The following SLC1A1 variants were observed in gnomAD, a reference collection of about 807,000 sequenced individuals.
SLC1A1 encodes the protein solute carrier family 1 member 1.
Under a neutral mutation model 53.3 loss-of-function variants are expected in SLC1A1, and 43 were observed. The ratio of observed to expected loss-of-function variants is 0.81; its 90% confidence interval spans 0.63 to 1.04. The LOEUF (loss-of-function observed/expected upper bound fraction) is 1.04, where lower values mean the gene tolerates loss of function less well. Ranked by LOEUF, SLC1A1 falls within the 50% of genes least tolerant of loss-of-function variation. SLC1A1 has a pLI of 0.00. For synonymous variants in SLC1A1, 307 were observed against 243.2 expected, an observed-to-expected ratio of 1.26 and a Z score of -2.44; for missense variants, 748 against 664.9, an observed-to-expected ratio of 1.12 and a Z score of -1.37.
intron 1 of SLC1A1, among the ~76,000 whole-genome samples, chr9:4,509,606 A>G (rs1820928084): frequency 6.6e-6 from 1 of 152,032 alleles, no homozygotes; most frequent in Non-Finnish European, 1.5e-5. Flanking sequence ...ATTAAGATCT[A>G]CAGCTACTGC....
chr9:4,528,594 A>C (rs561471642), intron 1 of SLC1A1, among the ~76,000 whole-genome samples: 1 of 152,226 alleles, frequency 6.6e-6, no homozygotes, highest in Non-Finnish European at 1.5e-5. Flanking sequence ...AACAAACAAA[A>C]AAATGCAAGT....
At chr9:4,492,716 G>T (rs1341348511) in intron 1 of SLC1A1, among the ~76,000 whole-genome samples, 6 of 151,674 alleles carry the variant, frequency 4.0e-5, no homozygotes, top group Non-Finnish European at 8.8e-5. Flanking sequence ...GATCACCTGA[G>T]CCCAGGGAGG....
intron 1 of SLC1A1, among the ~76,000 whole-genome samples, chr9:4,498,917 C>T (rs1309805176): frequency 1.4e-5 from 2 of 144,334 alleles, no homozygotes; most frequent in Admixed American, 7.1e-5. Context: ...TGTATACATA[C>T]ATATACATAT....
intron 2 of SLC1A1, among the ~76,000 whole-genome samples, chr9:4,559,398 A>G (rs533489770): frequency 6.6e-6 from 1 of 152,248 alleles, no homozygotes; most frequent in East Asian, 1.9e-4. Flanking sequence ...TTAACTTCCA[A>G]AGGAGCAATC....
At chr9:4,570,463 C>G (rs1819924651) in intron 6 of SLC1A1, among the ~76,000 whole-genome samples, 2 of 116,078 alleles carry the variant, frequency 1.7e-5, no homozygotes, top group African/African-American at 3.9e-5. Context: ...CCTCCGCCTC[C>G]TGGGTTCAAG....
intron 1 of SLC1A1, among the ~76,000 whole-genome samples, chr9:4,534,464 G>T (rs559214818): frequency 5.9e-5 from 9 of 152,138 alleles, no homozygotes; most frequent in African/African-American, 1.9e-4. Flanking sequence ...AAATCTAGAA[G>T]AAATGGATAA....
intron 1 of SLC1A1, among the ~76,000 whole-genome samples, chr9:4,540,769 G>A (rs1279792759): frequency 6.6e-6 from 1 of 152,232 alleles, no homozygotes; most frequent in Non-Finnish European, 1.5e-5. Flanking sequence ...CGGTGTCAGG[G>A]AAATTTCCTG....
chr9:4,504,208 A>G (rs1820726263), intron 1 of SLC1A1, among the ~76,000 whole-genome samples: 1 of 152,164 alleles, frequency 6.6e-6, no homozygotes, highest in Non-Finnish European at 1.5e-5. Context: ...TTTTTCCATA[A>G]TTGGGCTACA....
chr9:4,531,562 C>A (rs1406474432), intron 1 of SLC1A1, among the ~76,000 whole-genome samples: 4 of 152,162 alleles, frequency 2.6e-5, no homozygotes, highest in East Asian at 1.9e-4. Flanking sequence ...AGCCGGGAAG[C>A]TCGAACTGGG....
chr9:4,585,415 G>A lies in SLC1A1; in HGVS notation c.1432G>A (p.Glu478Lys), dbSNP rs866443085. The change falls in exon 12 of 12, where the codon GAA becomes AAA. Residue 478 changes from glutamate to lysine, a missense_variant. By Grantham distance (56) the Glu-to-Lys change is moderately conservative. Transcript: ENST00000262352. ...KELEQMDVSS[E>K]VNIVNPFALE... ...GCTGGAGCAGATGGATGTTTCATCT[G>A]AAGTCAACATTGTGAATCCCTTTGC... 6.2e-7 allele frequency: 1 copy of A among 1,614,074 alleles called. No homozygotes were observed. The highest frequency in any genetic ancestry group is 1.3e-5 in the African/African-American group (1 of 74,930).
rs776464749 is a variant in SLC1A1, at chr9:4,586,410, C to T, written c.*852C>T. 5 of 152,064 alleles carry T rather than the reference C, an allele frequency of 3.3e-5. No individual in the cohort carries two copies. Among genetic ancestry groups the T allele is most frequent in the South Asian group, 4.1e-4 (2 of 4,826 alleles). The allele number at this position is 152,064 out of a possible 1,614,324, so 9.4% of individuals were successfully genotyped here. ...AGAATGAGAAATCATGTTGTTCGAT[C>T]GTTTCACATCTGTATATCAGCTCTA... On this transcript the variant is annotated 3_prime_UTR_variant, in exon 12 of 12. Transcript: ENST00000262352.
intron 1 of SLC1A1, among the ~76,000 whole-genome samples, chr9:4,511,098 A>T (rs1008759356): frequency 3.3e-5 from 5 of 152,314 alleles, no homozygotes; most frequent in African/African-American, 4.8e-5. Flanking sequence ...TATTAACCAC[A>T]TGGTTTGAAA....
intron 1 of SLC1A1, among the ~76,000 whole-genome samples, chr9:4,527,919 CA>C (rs1285731145): frequency 6.6e-6 from 1 of 152,136 alleles, no homozygotes; most frequent in Non-Finnish European, 1.5e-5. Context: ...AGGAGCACAT[CA>C]GAAGACTCCC....
intron 3 of SLC1A1, among the ~76,000 whole-genome samples, chr9:4,562,566 T>C (rs80207811): frequency 0.028 from 4,282 of 152,318 alleles, 210 homozygotes; most frequent in African/African-American, 0.097. Flanking sequence ...GCTGCTCTTA[T>C]ACCCTTAGCA....
chr9:4,508,469 C>T lies in SLC1A1; in HGVS notation c.91+17699C>T, dbSNP rs551878731. Among the ~76,000 whole-genome samples the T allele has an allele frequency of 2.6e-5, 4 of 152,274 alleles. No homozygotes were observed. In the South Asian group the frequency reaches 8.3e-4, roughly 32 times the overall value. ...GTCCTAACTTTCCCAACTAAGCTCACCCTCACTTGAGCCCAAAGGACTCCT... is the reference window on the plus strand; with the variant it reads ...GTCCTAACTTTCCCAACTAAGCTCATCCTCACTTGAGCCCAAAGGACTCCT... On this transcript the variant is annotated intron_variant, in intron 1 of 11. Coordinates refer to ENST00000262352, the MANE Select transcript of SLC1A1 (RefSeq NM_004170.6).
At chr9:4,524,224 C>A (rs1460115553) in intron 1 of SLC1A1, among the ~76,000 whole-genome samples, 1 of 152,140 alleles carries the variant, frequency 6.6e-6, no homozygotes, top group Non-Finnish European at 1.5e-5. Flanking sequence ...GTGGAACTCT[C>A]AATTTTAATA....
chr9:4,498,995 TAAG>T (rs35461755), intron 1 of SLC1A1, among the ~76,000 whole-genome samples: 7,752 of 144,436 alleles, frequency 0.054, 690 homozygotes, highest in African/African-American at 0.19. Flanking sequence ...ATATTATATA[TAAG>T]ATTATATATT....
intron 3 of SLC1A1, among the ~76,000 whole-genome samples, 200 bp downstream of exon 3, chr9:4,561,741 A>G (rs913663575): frequency 6.6e-6 from 1 of 152,126 alleles, no homozygotes; most frequent in African/African-American, 2.4e-5. Flanking sequence ...ATACAAAAAT[A>G]TTAGCCGGGT....
rs1816213558 is a variant in SLC1A1 at position 4,525,119 on chromosome 9, G to T, written c.92-19448G>T. On this transcript the variant is annotated intron_variant, in intron 1 of 11. Transcript: ENST00000262352. Reference sequence around the variant, plus strand: ...ATGATCTTGGCCCACGTGAGTGAAGGAGTCTAAACGAAACCTTGACATAAA... The same window carrying T: ...ATGATCTTGGCCCACGTGAGTGAAGTAGTCTAAACGAAACCTTGACATAAA... 1.3e-5 allele frequency among the ~76,000 whole-genome samples: 2 copies of T among 152,160 alleles called. 1 individual carries two copies. Among genetic ancestry groups the T allele is most frequent in the Admixed American group, 1.3e-4 (2 of 15,276 alleles).
Sources: allele counts gnomAD v4.1 joint callset (sites outside exome capture counted in the v4.1 genomes callset), GRCh38; gene constraint gnomAD v4.1.1; transcripts MANE v1.5; gene names NCBI Gene and HGNC (gene_info 2026-07-23, HGNC 2026-07-21).